ACSS3: variants seen among roughly 807,000 people sequenced by gnomAD.
The protein encoded by ACSS3 is acyl-CoA synthetase short-chain family member 3, mitochondrial.
Under a neutral mutation model 84.2 loss-of-function variants are expected in ACSS3, and 64 were observed. The ratio of observed to expected loss-of-function variants is 0.76; its 90% CI spans 0.62 to 0.94. The LOEUF is 0.94. Among genes scored for constraint, ACSS3 ranks in the 40% least tolerant of loss-of-function variants. The pLI is 0.00. For synonymous variants in ACSS3, 317 were observed against 310.1 expected, an observed-to-expected ratio of 1.02 and a Z score of -0.23; for missense variants, 815 against 867.6, an observed-to-expected ratio of 0.94 and a Z score of 0.76.
chr12:81,161,992 G>T (rs1887176738), intron 7 of ACSS3, among the ~76,000 whole-genome samples: 1 of 152,166 alleles, frequency 6.6e-6, no homozygotes, highest in African/African-American at 2.4e-5. Context: ...GGCTTGGGGA[G>T]CCCCCAGGTC....
intron 9 of ACSS3, among the ~76,000 whole-genome samples, chr12:81,204,372 G>A (rs539048897): frequency 1.4e-4 from 16 of 112,430 alleles, no homozygotes; most frequent in South Asian, 1.2e-3. Flanking sequence ...CTCCCCCCTC[G>A]TTCTCTTCCT....
intron 13 of ACSS3, among the ~76,000 whole-genome samples, chr12:81,237,624 C>T (rs1413526800): frequency 1.3e-5 from 2 of 151,480 alleles, no homozygotes; most frequent in Non-Finnish European, 3.0e-5. Flanking sequence ...GTTCTTGTGG[C>T]TATTTATTTT....
chr12:81,113,942 G>A (rs922101243), intron 2 of ACSS3, among the ~76,000 whole-genome samples: 1 of 152,010 alleles, frequency 6.6e-6, no homozygotes, highest in Non-Finnish European at 1.5e-5. Flanking sequence ...GAAATAAAAG[G>A]TATGTGTAAG....
intron 8 of ACSS3, among the ~76,000 whole-genome samples, chr12:81,176,551 C>T (rs1171466811): frequency 6.6e-6 from 1 of 151,600 alleles, no homozygotes; most frequent in Non-Finnish European, 1.5e-5. Context: ...TTCAGCCTGA[C>T]AACAGAATGA....
chr12:81,147,558 A>G (rs1338052239), intron 5 of ACSS3, among the ~76,000 whole-genome samples: 1 of 152,170 alleles, frequency 6.6e-6, no homozygotes, highest in Non-Finnish European at 1.5e-5. Context: ...TTTGACACAA[A>G]TAACAGGATG....
intron 11 of ACSS3, among the ~76,000 whole-genome samples, chr12:81,220,307 C>T (rs868159753): frequency 1.1e-4 from 17 of 151,752 alleles, no homozygotes; most frequent in South Asian, 4.2e-4. Flanking sequence ...TTTTAAATAA[C>T]TTTTTTTTCA....
intron 9 of ACSS3, among the ~76,000 whole-genome samples, chr12:81,213,820 T>TCTCTTCTCTTCTCTC (rs2032740062): frequency 1.3e-5 from 1 of 74,718 alleles, no homozygotes; most frequent in Non-Finnish European, 3.2e-5. Context: ...TCTCTTCTCT[T>TCTCTTCTCTTCTCTC]CTCTTCTCTT....
intron 1 of ACSS3, among the ~76,000 whole-genome samples, chr12:81,094,944 T>C (rs947219668): frequency 6.6e-6 from 1 of 152,126 alleles, no homozygotes; most frequent in Non-Finnish European, 1.5e-5. Flanking sequence ...CTGCTGCTGC[T>C]CTTTCTCTTT....
intron 8 of ACSS3, among the ~76,000 whole-genome samples, chr12:81,193,245 T>C (rs2031668317): frequency 6.6e-6 from 1 of 152,168 alleles, no homozygotes; most frequent in Non-Finnish European, 1.5e-5. Context: ...ACTGAAATAA[T>C]CTATTTTTAT....
chr12:81,167,671 C>A (rs932485508), intron 7 of ACSS3, among the ~76,000 whole-genome samples: 4 of 152,166 alleles, frequency 2.6e-5, no homozygotes, highest in Non-Finnish European at 5.9e-5. Flanking sequence ...TTCATGAAAG[C>A]AGAGCCCTCC....
At chr12:81,107,965 G>A (rs1883217699) in intron 1 of ACSS3, among the ~76,000 whole-genome samples, 1 of 151,998 alleles carries the variant, frequency 6.6e-6, no homozygotes, top group South Asian at 2.1e-4. Context: ...TGCTGACATT[G>A]CATTAGCCAA....
chr12:81,118,068 T>C (rs942277838), intron 2 of ACSS3: 2 of 152,152 alleles, frequency 1.3e-5, no homozygotes, highest in African/African-American at 4.8e-5. Flanking sequence ...AAAAGAAGAT[T>C]ATCTGTTGTA....
At chr12:81,166,203 G>A (rs1887395022) in intron 7 of ACSS3, among the ~76,000 whole-genome samples, 1 of 152,150 alleles carries the variant, frequency 6.6e-6, no homozygotes, top group African/African-American at 2.4e-5. Flanking sequence ...GAATATCAGT[G>A]ATCAGAATAT....
At chr12:81,234,028 C>T (rs897088653) in intron 13 of ACSS3, among the ~76,000 whole-genome samples, 13 of 151,488 alleles carry the variant, frequency 8.6e-5, no homozygotes, top group African/African-American at 2.9e-4. Flanking sequence ...ACAATTTCAA[C>T]GCTGTCAAAT....
intron 7 of ACSS3, among the ~76,000 whole-genome samples, chr12:81,161,003 G>T (rs1887120620): frequency 6.6e-6 from 1 of 152,186 alleles, no homozygotes; most frequent in Non-Finnish European, 1.5e-5. Flanking sequence ...AGTGTAATCA[G>T]TTCTGGATAT....
intron 9 of ACSS3, among the ~76,000 whole-genome samples, chr12:81,216,441 T>G (rs1364019998): frequency 6.6e-6 from 1 of 152,196 alleles, no homozygotes; most frequent in Non-Finnish European, 1.5e-5. Context: ...TTTGGGTTAC[T>G]TATTCCGGAG....
intron 2 of ACSS3, among the ~76,000 whole-genome samples, chr12:81,114,853 T>C (rs1423344810): frequency 6.6e-6 from 1 of 152,142 alleles, no homozygotes; most frequent in Non-Finnish European, 1.5e-5. Flanking sequence ...AATAATTCCA[T>C]GTAAGCAACA....
chr12:81,222,631 GAAAC>G (rs1276949550), intron 11 of ACSS3, among the ~76,000 whole-genome samples: 2 of 151,888 alleles, frequency 1.3e-5, no homozygotes, highest in African/African-American at 2.4e-5. Context: ...GTAATATGTG[GAAAC>G]AAACAAACAA....
intron 13 of ACSS3, among the ~76,000 whole-genome samples, chr12:81,233,726 A>G (rs1056658368): frequency 1.3e-4 from 19 of 151,540 alleles, no homozygotes; most frequent in African/African-American, 4.6e-4. Flanking sequence ...GCCTGTGTAC[A>G]TTTGCTTCTT....
Sources: gnomAD v4.1 joint callset for allele counts (sites outside exome capture counted in the v4.1 genomes callset) on GRCh38, gnomAD v4.1.1 for gene constraint, MANE v1.5 for transcripts, NCBI Gene and HGNC (gene_info 2026-07-23, HGNC 2026-07-21) for gene names.